Variants in LGSN observed in about 807,000 individuals in gnomAD.
The protein encoded by LGSN is lengsin.
LGSN carries 21 observed loss-of-function variants against 19.5 expected under a neutral mutation model. That is an observed-to-expected ratio of 1.07 (90% confidence interval 0.76 to 1.55). The LOEUF (loss-of-function observed/expected upper bound fraction) is 1.55, where lower values mean the gene tolerates loss of function less well. Among genes scored for constraint, LGSN ranks in the 40% most tolerant of loss-of-function variants. The pLI is 0.00. For missense variants in LGSN, 673 were observed against 608.5 expected, an observed-to-expected ratio of 1.11 and a Z score of -1.12; for synonymous variants, 257 against 215.6, an observed-to-expected ratio of 1.19 and a Z score of -1.68.
the LGSN span, among the ~76,000 whole-genome samples, chr6:63,379,079 A>T: frequency 0.16 from 24,652 of 152,164 alleles, 4,010 homozygotes; most frequent in African/African-American, 0.41. Flanking sequence ...TGATGCTGTT[A>T]ACAAATATGA....
the LGSN span, among the ~76,000 whole-genome samples, chr6:63,497,009 ATTTTTT>A: frequency 6.6e-6 from 1 of 151,914 alleles, no homozygotes; most frequent in Non-Finnish European, 1.5e-5. Context: ...TTTTATTTTT[ATTTTTT>A]AGTGATAGGG....
the LGSN span, among the ~76,000 whole-genome samples, chr6:63,455,225 T>C: frequency 6.6e-6 from 1 of 152,174 alleles, no homozygotes; most frequent in East Asian, 1.9e-4. Flanking sequence ...CTTTATCCAG[T>C]TCAGAAAGAC....
chr6:63,509,964 C>T, the LGSN span, among the ~76,000 whole-genome samples: 4 of 152,146 alleles, frequency 2.6e-5, no homozygotes, highest in Admixed American at 2.0e-4. Context: ...CTTTTCAAAA[C>T]ATGAGTATGT....
At chr6:63,531,908 T>G in the LGSN span, among the ~76,000 whole-genome samples, 1 of 152,142 alleles carries the variant, frequency 6.6e-6, no homozygotes, top group South Asian at 2.1e-4. Flanking sequence ...TTCAAGCAAT[T>G]CTCTGCCTCA....
chr6:63,357,651 T>C, the LGSN span, among the ~76,000 whole-genome samples: 2 of 152,254 alleles, frequency 1.3e-5, no homozygotes, highest in African/African-American at 4.8e-5. Flanking sequence ...TGTCTATTCA[T>C]ATCCTTTGCC....
the LGSN span, among the ~76,000 whole-genome samples, chr6:63,512,578 C>T: frequency 1.6e-4 from 25 of 152,256 alleles, 1 homozygote; most frequent in Admixed American, 1.4e-3. Context: ...GCCTCTCATA[C>T]CCAGGCATAA....
the LGSN span, among the ~76,000 whole-genome samples, chr6:63,408,199 C>CA: frequency 6.6e-6 from 1 of 151,894 alleles, no homozygotes; most frequent in Non-Finnish European, 1.5e-5. Context: ...CATATGGAAC[C>CA]AAAAAAGAGC....
chr6:63,407,551 T>C, the LGSN span, among the ~76,000 whole-genome samples: 1 of 152,164 alleles, frequency 6.6e-6, no homozygotes, highest in Non-Finnish European at 1.5e-5. Flanking sequence ...GAACTATCTA[T>C]GACAAACCCA....
chr6:63,415,050 G>A, the LGSN span, among the ~76,000 whole-genome samples: 1 of 152,142 alleles, frequency 6.6e-6, no homozygotes, highest in Non-Finnish European at 1.5e-5. Context: ...GGGCACAGTG[G>A]GACGCGCCTG....
At chr6:63,509,476 G>C in the LGSN span, among the ~76,000 whole-genome samples, 1 of 151,948 alleles carries the variant, frequency 6.6e-6, no homozygotes, top group East Asian at 1.9e-4. Context: ...TCTCAATTAG[G>C]TGTGCGCATG....
chr6:63,456,391 A>ATATG, the LGSN span, among the ~76,000 whole-genome samples: 56 of 110,422 alleles, frequency 5.1e-4, no homozygotes, highest in Non-Finnish European at 8.0e-4. Flanking sequence ...ATATATATAT[A>ATATG]TACTTTTTTT....
At chr6:63,561,881 A>G in the LGSN span, among the ~76,000 whole-genome samples, 4 of 152,310 alleles carry the variant, frequency 2.6e-5, no homozygotes, top group South Asian at 8.3e-4. Context: ...TCAGGTTAGG[A>G]TAACCTGGTG....
chr6:63,344,287 T>C, the LGSN span, among the ~76,000 whole-genome samples: 1 of 152,210 alleles, frequency 6.6e-6, no homozygotes, highest in East Asian at 1.9e-4. Flanking sequence ...AGCTGTAGTT[T>C]AGAAGAAAAT....
the LGSN span, among the ~76,000 whole-genome samples, chr6:63,398,151 A>G: frequency 6.7e-6 from 1 of 148,150 alleles, no homozygotes; most frequent in South Asian, 2.1e-4. Context: ...AATGTTATTT[A>G]TTTATATATT....
At chr6:63,383,090 A>G in the LGSN span, among the ~76,000 whole-genome samples, 1 of 152,090 alleles carries the variant, frequency 6.6e-6, no homozygotes, top group Non-Finnish European at 1.5e-5. Context: ...GGAAAGCCTT[A>G]AGCACCTTTA....
the LGSN span, among the ~76,000 whole-genome samples, chr6:63,474,460 T>C: frequency 6.6e-6 from 1 of 151,246 alleles, no homozygotes; most frequent in Non-Finnish European, 1.5e-5. Context: ...TACAAAAAAA[T>C]TAGCTGGGCA....
At chr6:63,425,645 A>T in the LGSN span, among the ~76,000 whole-genome samples, 1 of 152,164 alleles carries the variant, frequency 6.6e-6, no homozygotes, top group Non-Finnish European at 1.5e-5. Flanking sequence ...GTAGGTATAC[A>T]TAAAAGGCAA....
At chr6:63,532,310 A>T in the LGSN span, among the ~76,000 whole-genome samples, 1 of 152,164 alleles carries the variant, frequency 6.6e-6, no homozygotes, top group African/African-American at 2.4e-5. Flanking sequence ...ATCTCTATTA[A>T]GTTGTTTTTT....
At chr6:63,441,214 A>G in the LGSN span, 25 of 287,538 alleles carry the variant, frequency 8.7e-5, no homozygotes, top group Non-Finnish European at 1.3e-4. Flanking sequence ...ATCTCAAAAA[A>G]ATAAATAATG....
Sources: allele counts gnomAD v4.1 joint callset (sites outside exome capture counted in the v4.1 genomes callset), GRCh38; gene constraint gnomAD v4.1.1; transcripts MANE v1.5; gene names NCBI Gene and HGNC (gene_info 2026-07-23, HGNC 2026-07-21).